Variants in ADAMTS14 observed in about 807,000 individuals in gnomAD.
ADAMTS14 encodes the protein A disintegrin and metalloproteinase with thrombospondin motifs 14.
ADAMTS14 carries 100 observed loss-of-function variants against 128.6 expected under a neutral mutation model. That is an observed-to-expected ratio of 0.78 (90% CI 0.66 to 0.92). The LOEUF (loss-of-function observed/expected upper bound fraction) is 0.92, where lower values mean the gene tolerates loss of function less well. ADAMTS14 is among the 40% of genes least tolerant of loss of function. ADAMTS14 has a pLI of 0.00. For synonymous variants in ADAMTS14, 665 were observed against 653.8 expected (o/e 1.02, Z -0.26); for missense variants, 1,562 against 1,658.6 (o/e 0.94, Z 1.01).
At chr10:70,757,787 G>T (rs1400671972) in intron 19 of ADAMTS14, among the ~76,000 whole-genome samples, 175 bp from the exon 20 acceptor site, 3 of 152,194 alleles carry the variant, frequency 2.0e-5, no homozygotes, top group Non-Finnish European at 2.9e-5. Context: ...TCCCACTGAG[G>T]CTCCTTAGAA....
chr10:70,700,582 T>C (rs1235385991), intron 2 of ADAMTS14, among the ~76,000 whole-genome samples: 4 of 152,122 alleles, frequency 2.6e-5, no homozygotes, highest in African/African-American at 9.7e-5. Context: ...GCAAGAGTGT[T>C]GGGCCTCTCA....
intron 15 of ADAMTS14, among the ~76,000 whole-genome samples, chr10:70,747,577 GC>G (rs1362525148): frequency 1.3e-5 from 2 of 152,204 alleles, no homozygotes; most frequent in Admixed American, 6.5e-5. Context: ...AACATTAGCA[GC>G]CCCTTCCACC....
intron 19 of ADAMTS14, among the ~76,000 whole-genome samples, chr10:70,754,670 G>A (rs1842437152): frequency 6.6e-6 from 1 of 152,216 alleles, no homozygotes; most frequent in South Asian, 2.1e-4. Context: ...TGGGGAGGCA[G>A]GCGGGGGTCC....
chr10:70,760,476 G>T lies in ADAMTS14; in HGVS notation c.3295G>T (p.Gly1099Cys), dbSNP rs756375913. Residue 1099 changes from glycine (G) to cysteine (C), a missense_variant, in exon 22 of 22, where the codon GGC becomes TGC. Coordinates refer to ENST00000373207, the MANE Select transcript of ADAMTS14 (RefSeq NM_080722.4). The part of the protein sequence containing the change: ...CCVSCIKKAS[G>C]PNPGPDPGPT... ...TGTGTCCTGCATCAAGAAGGCCTCG[G>T]GCCCCAACCCTGGCCCAGACCCTGG... 33 of 1,613,870 alleles carry T rather than the reference G, an allele frequency of 2.0e-5. No individual in the cohort carries two copies. Among genetic ancestry groups the T allele is most frequent in the Non-Finnish European group, 2.5e-5 (30 of 1,179,944 alleles).
intron 2 of ADAMTS14, among the ~76,000 whole-genome samples, chr10:70,688,695 G>C (rs1307229790): frequency 8.9e-6 from 1 of 111,788 alleles, no homozygotes; most frequent in South Asian, 3.4e-4. Flanking sequence ...GCGAAACCCC[G>C]TCTCCACCAA....
chr10:70,760,657 C>G lies in ADAMTS14; in HGVS notation c.3476C>G (p.Ser1159Cys). 1 of 1,614,156 alleles carries G rather than the reference C, an allele frequency of 6.2e-7. No individual in the cohort carries two copies. The highest frequency in any genetic ancestry group is 8.5e-7 in the Non-Finnish European group (1 of 1,180,018). Reference sequence around the variant, plus strand: ...CTCCCAGGAGCTCTGGATACAAGCTCCCCAGGGACCCAGCATCCCTTTGCC... The same window carrying G: ...CTCCCAGGAGCTCTGGATACAAGCTGCCCAGGGACCCAGCATCCCTTTGCC... ...TQLPGALDTS[S>C]PGTQHPFAPE... The change falls in exon 22 of 22, where the codon TCC becomes TGC. Residue 1159 changes from serine (S) to cysteine (C), a missense_variant. Physicochemically the swap from Ser to Cys is moderately radical, Grantham distance 112. Coordinates refer to ENST00000373207, the MANE Select transcript of ADAMTS14 (RefSeq NM_080722.4).
At chr10:70,737,074 T>A (rs1564547969) in intron 10 of ADAMTS14, among the ~76,000 whole-genome samples, 1 of 152,136 alleles carries the variant, frequency 6.6e-6, no homozygotes, top group Non-Finnish European at 1.5e-5. Context: ...AAGGCTTACT[T>A]CCATTTTACC....
At chr10:70,712,474 A>G (rs1268027638) in intron 4 of ADAMTS14, among the ~76,000 whole-genome samples, 2 of 152,240 alleles carry the variant, frequency 1.3e-5, no homozygotes, top group African/African-American at 4.8e-5. Context: ...TTGACTCCAC[A>G]TTAATGAGGG....
chr10:70,752,226 G>A lies in ADAMTS14; in HGVS notation c.2728G>A (p.Val910Met), dbSNP rs1276093430. The A allele has an allele frequency of 3.7e-6, 6 of 1,613,546 alleles. No homozygotes were observed. The highest frequency in any genetic ancestry group is 3.3e-5 in the South Asian group (3 of 91,070). The stretch of plus-strand genomic sequence containing the variant: ...CAACCAGCACCCGTGCTCTCAGCCT[G>A]TGTGAGTGCTCCCAGGGAGGGACGG... Reference protein sequence around the residue: ...RCNQHPCSQPVWVTEEWGACS... With the variant: ...RCNQHPCSQPMWVTEEWGACS... The change falls in exon 18 of 22, where the codon GTG (valine) becomes ATG (methionine). Residue 910 changes from valine (V) to methionine (M), a missense_variant and splice_region_variant. Transcript: ENST00000373207.
At chr10:70,729,800 A>G (rs866666785) in intron 5 of ADAMTS14, among the ~76,000 whole-genome samples, 4 of 152,356 alleles carry the variant, frequency 2.6e-5, no homozygotes, top group Middle Eastern at 3.4e-3. Flanking sequence ...ATGAATGCAA[A>G]GTATAGAGGA....
In ADAMTS14 at chr10:70,749,879, C is replaced by T. The variant is rs754005853; in HGVS notation, c.2321C>T (p.Thr774Ile). ...CTCAACCCCAAGGGCAAGGAAGCCA[C>T]AAGCCGGACCTTCACCGCCATGGGC... ...FILNPKGKEA[T>I]SRTFTAMGLE... The change falls in exon 16 of 22, where the codon ACA becomes ATA. Residue 774 changes from threonine (T) to isoleucine (I), a missense_variant. Coordinates refer to ENST00000373207, the MANE Select transcript of ADAMTS14 (RefSeq NM_080722.4). 54 of 1,614,018 alleles carry T rather than the reference C, an allele frequency of 3.3e-5. No individual in the cohort carries two copies. Among genetic ancestry groups the T allele is most frequent in the Non-Finnish European group, 4.2e-5 (49 of 1,180,042 alleles).
intron 10 of ADAMTS14, among the ~76,000 whole-genome samples, chr10:70,737,338 A>C (rs936661681): frequency 2.6e-5 from 4 of 152,306 alleles, no homozygotes; most frequent in Non-Finnish European, 5.9e-5. Flanking sequence ...GCTGGGTCTG[A>C]AACCCAGCTC....
At chr10:70,722,372 T>C (rs2132649822) in intron 4 of ADAMTS14, among the ~76,000 whole-genome samples, 1 of 152,322 alleles carries the variant, frequency 6.6e-6, no homozygotes, top group East Asian at 1.9e-4. Flanking sequence ...CAAGCAATGT[T>C]GCCCACATCT....
Position 70,683,357 on chromosome 10 carries a change from G to C in ADAMTS14, c.522+8362G>C, listed in dbSNP as rs142247568. Among the ~76,000 whole-genome samples the C allele has an allele frequency of 2.4e-3, 372 of 152,336 alleles. 3 individuals carry two copies. Among genetic ancestry groups the C allele is most frequent in the African/African-American group, 8.5e-3 (354 of 41,572 alleles). On this transcript the variant is annotated intron_variant, in intron 2 of 21. Coordinates refer to ENST00000373207, the MANE Select transcript of ADAMTS14 (RefSeq NM_080722.4). ...GGGTACCTCTCGGCAATCTGTGTTT[G>C]CAGCACACGAAACAAGAAAGGGAGT...
In ADAMTS14 at chr10:70,674,617, T is replaced by C; in HGVS notation, c.144T>C (p.Phe48=). Residue 48 remains phenylalanine, a synonymous_variant, in exon 2 of 22, where the codon TTT becomes TTC. Transcript: ENST00000373207. ...TGACAGTGCCCTGCAGCACAGACTT[T>C]CGGGGACGCTTCCTCTCCCACGTGG... is the stretch of plus-strand genomic sequence containing the variant. The part of the protein sequence containing the change: ...YGVTVPCSTD[F]RGRFLSHVVS... 1 of 1,613,900 alleles carries C rather than the reference T, an allele frequency of 6.2e-7. No homozygotes were observed. The highest frequency in any genetic ancestry group is 8.5e-7 in the Non-Finnish European group (1 of 1,180,034).
chr10:70,739,012 G>C (rs768817178), intron 11 of ADAMTS14, 22 bp downstream of exon 11: 2 of 1,585,220 alleles, frequency 1.3e-6, no homozygotes, highest in East Asian at 2.2e-5. Flanking sequence ...TGGCTAGGGT[G>C]GGGAGGGCAG....
chr10:70,688,223 C>T (rs1234706130), intron 2 of ADAMTS14, among the ~76,000 whole-genome samples: 51 of 46,506 alleles, frequency 1.1e-3, no homozygotes, highest in Non-Finnish European at 1.4e-3. Context: ...TCCTCACATC[C>T]CAGATGGGGC....
chr10:70,706,337 C>T (rs529980315), intron 3 of ADAMTS14, among the ~76,000 whole-genome samples: 1 of 152,354 alleles, frequency 6.6e-6, no homozygotes, highest in East Asian at 1.9e-4. Context: ...GTAACCTCTC[C>T]AGCCTTCCTG....
At position 70,732,191 on chromosome 10, in the gene ADAMTS14, C is replaced by T; in HGVS notation, c.1103-63C>T. The T allele has an allele frequency of 3.5e-6, 5 of 1,414,402 alleles. No homozygotes were observed. The Admixed American group carries it at 8.8e-5, about 25-fold the overall frequency. 87.6% of individuals were successfully genotyped at this position (1,414,402 alleles called of 1,614,324 possible). ...AGAGGGCTGGGCTGGGCACAGACCT[C>T]AGTGTGTCCTGCCTCACCTGCCCTC... On this transcript the variant is annotated intron_variant, in intron 6 of 21. Transcript: ENST00000373207.
Sources: gnomAD v4.1 joint callset for allele counts (sites outside exome capture counted in the v4.1 genomes callset) on GRCh38, gnomAD v4.1.1 for gene constraint, MANE v1.5 for transcripts, NCBI Gene and HGNC (gene_info 2026-07-23, HGNC 2026-07-21) for gene names.